The following PPP2R2C variants were observed in gnomAD, a reference collection of about 807,000 sequenced individuals.
The protein encoded by PPP2R2C is protein phosphatase 2 regulatory subunit Bgamma.
PPP2R2C carries 10 observed loss-of-function variants against 45.3 expected under a neutral mutation model. The observed-to-expected ratio is 0.22, with a 90% CI of 0.14 to 0.37. The LOEUF (loss-of-function observed/expected upper bound fraction) is 0.37, where lower values mean the gene tolerates loss of function less well. PPP2R2C is among the 10% of genes least tolerant of loss of function. The pLI is 1.00. For missense variants in PPP2R2C, 308 were observed against 619.7 expected (o/e 0.50, Z 5.34); for synonymous variants, 257 against 245.4 (o/e 1.05, Z -0.44).
intron 1 of PPP2R2C, among the ~76,000 whole-genome samples, chr4:6,411,456 T>A (rs73798239): frequency 0.038 from 5,846 of 152,228 alleles, 378 homozygotes; most frequent in African/African-American, 0.13. Flanking sequence ...AAGCCCCTGC[T>A]CCGTGCTAAT....
intron 5 of PPP2R2C, among the ~76,000 whole-genome samples, chr4:6,360,969 T>A (rs1267571205): frequency 6.6e-6 from 1 of 152,202 alleles, no homozygotes; most frequent in Non-Finnish European, 1.5e-5. Flanking sequence ...CCTCTTCTTA[T>A]AAGAACACCA....
intron 1 of PPP2R2C, among the ~76,000 whole-genome samples, chr4:6,456,304 ATTT>A (rs1246389754): frequency 2.8e-5 from 1 of 35,602 alleles, no homozygotes; most frequent in African/African-American, 1.0e-4. Flanking sequence ...GAAGGATGTT[ATTT>A]CCCCCCCCCC....
chr4:6,388,862 G>A (rs967574799), intron 1 of PPP2R2C, among the ~76,000 whole-genome samples: 4 of 152,108 alleles, frequency 2.6e-5, no homozygotes, highest in East Asian at 1.9e-4. Context: ...TTTAAGCCAC[G>A]CAGTTTGTAG....
In PPP2R2C at chr4:6,399,278, G is replaced by T. The variant is rs117964813; in HGVS notation, c.71-18184C>A. Among the ~76,000 whole-genome samples, 23 of 152,310 alleles carry T rather than the reference G, an allele frequency of 1.5e-4. No individual in the cohort carries two copies. The East Asian group carries it at 4.4e-3, about 29-fold the overall frequency. On this transcript the variant is annotated intron_variant, in intron 1 of 8. Coordinates refer to ENST00000382599, the MANE Select transcript of PPP2R2C (RefSeq NM_020416.4). ...GTAAAGCTTTGAAAAGTCTTCGTTT[G>T]CAGTAAAAGGGAAAGAAAGAAAAGA...
chr4:6,323,317 GTTTACC>G lies in PPP2R2C; in HGVS notation c.1323_1328del (p.Lys441_Val442del), dbSNP rs749579027. ...CTGCACATACCTAGTGCATGTCAGA[GTTTACC>G]TTGTCCTGGAAGATGTACAGGTTGT... is the stretch of plus-strand genomic sequence containing the variant. On this transcript the variant is annotated inframe_deletion, in exon 9 of 9. Transcript: ENST00000382599. 6.2e-7 allele frequency: 1 copy of G among 1,604,092 alleles called. No individual in the cohort carries two copies. Among genetic ancestry groups the G allele is most frequent in the South Asian group, 1.1e-5 (1 of 90,650 alleles).
chr4:6,405,440 G>GGGAT (rs1483255378), intron 1 of PPP2R2C, among the ~76,000 whole-genome samples: 1 of 152,208 alleles, frequency 6.6e-6, no homozygotes, highest in African/African-American at 2.4e-5. Context: ...GGGGGAAGAA[G>GGGAT]GGATGAACAG....
chr4:6,420,961 A>G (rs1008862821), intron 1 of PPP2R2C: 39 of 985,098 alleles, frequency 4.0e-5, no homozygotes, highest in Non-Finnish European at 4.5e-5. Context: ...AGGCCTCAGA[A>G]GGGCAGCAGC....
chr4:6,506,945 A>G (rs1223860713), intron 2 of PPP2R2C, among the ~76,000 whole-genome samples: 1 of 152,214 alleles, frequency 6.6e-6, no homozygotes, highest in African/African-American at 2.4e-5. Flanking sequence ...GAGCATCTTA[A>G]GAGCAAACTC....
At chr4:6,533,200 T>C (rs929732236) in intron 2 of PPP2R2C, among the ~76,000 whole-genome samples, 1 of 152,120 alleles carries the variant, frequency 6.6e-6, no homozygotes, top group Non-Finnish European at 1.5e-5. Context: ...TAAGAACACA[T>C]GCCCGAGACC....
intron 1 of PPP2R2C, among the ~76,000 whole-genome samples, chr4:6,392,703 G>A (rs546855016): frequency 6.6e-6 from 1 of 152,322 alleles, no homozygotes; most frequent in African/African-American, 2.4e-5. Flanking sequence ...AGCAGGCCGG[G>A]AGAGGCCTGA....
rs1732422428 is a variant in PPP2R2C at position 6,331,690 on chromosome 4, G to C, written c.960+1872C>G. On this transcript the variant is annotated intron_variant, in intron 7 of 8. Coordinates refer to ENST00000382599, the MANE Select transcript of PPP2R2C (RefSeq NM_020416.4). The surrounding 1 kb of genome is among the most constrained non-coding windows in gnomAD (Gnocchi z 5.9). ...TGCTTGGAGGTGTGGCAGCCACTTTGCCACCATGAGGTACCACATGTGAAG... is the reference window on the plus strand; with the variant it reads ...TGCTTGGAGGTGTGGCAGCCACTTTCCCACCATGAGGTACCACATGTGAAG... Among the ~76,000 whole-genome samples the C allele has an allele frequency of 6.6e-6, 1 of 152,082 alleles. No individual in the cohort carries two copies. Among genetic ancestry groups the C allele is most frequent in the Admixed American group, 6.5e-5 (1 of 15,284 alleles).
At chr4:6,472,640 C>CCGA (rs1211748649), upstream of PPP2R2C, among the ~76,000 whole-genome samples, 3 of 147,604 alleles carry the variant, frequency 2.0e-5, no homozygotes, top group Non-Finnish European at 4.5e-5. Context: ...GCCGCCGCCG[C>CCGA]CGCTGTCGCA....
chr4:6,435,103 T>C (rs1304695935), intron 1 of PPP2R2C, among the ~76,000 whole-genome samples: 2 of 152,204 alleles, frequency 1.3e-5, no homozygotes, highest in Non-Finnish European at 2.9e-5. Context: ...TTAATTATTT[T>C]CATTCTTATC....
chr4:6,538,923 G>C (rs113085732), intron 1 of PPP2R2C, among the ~76,000 whole-genome samples: 6 of 152,146 alleles, frequency 3.9e-5, no homozygotes, highest in African/African-American at 7.2e-5. Flanking sequence ...TATCGAGCCC[G>C]TTACACAGTG....
intron 1 of PPP2R2C, among the ~76,000 whole-genome samples, chr4:6,541,216 C>T (rs988286396): frequency 2.5e-4 from 38 of 152,158 alleles, no homozygotes; most frequent in African/African-American, 8.4e-4. Flanking sequence ...ATATGAATTT[C>T]AGCTGGACAC....
At chr4:6,347,736 A>T in intron 6 of PPP2R2C, 110 bp downstream of exon 6, 1 of 1,387,116 alleles carries the variant, frequency 7.2e-7, no homozygotes, top group Non-Finnish European at 9.7e-7. Flanking sequence ...CCAGTCCAGG[A>T]CATGCTCATC....
chr4:6,540,718 G>A (rs1724780681), intron 1 of PPP2R2C, among the ~76,000 whole-genome samples: 1 of 152,204 alleles, frequency 6.6e-6, no homozygotes, highest in South Asian at 2.1e-4. Flanking sequence ...CACACATGTG[G>A]TTTCTGCATG....
chr4:6,351,236 T>G (rs1481261152), intron 5 of PPP2R2C: 1 of 497,828 alleles, frequency 2.0e-6, no homozygotes, highest in Non-Finnish European at 2.6e-6. Flanking sequence ...ATCGCTTGAC[T>G]GGGGAGGCAG....
chr4:6,456,564 G>A (rs891577192), intron 1 of PPP2R2C, among the ~76,000 whole-genome samples: 1 of 152,128 alleles, frequency 6.6e-6, no homozygotes, highest in African/African-American at 2.4e-5. Flanking sequence ...AGTCGGCGTA[G>A]GAACCACATC....
Sources: allele counts gnomAD v4.1 joint callset (sites outside exome capture counted in the v4.1 genomes callset), GRCh38; gene constraint gnomAD v4.1.1; non-coding constraint Gnocchi (gnomAD v3.1); transcripts MANE v1.5; gene names NCBI Gene and HGNC (gene_info 2026-07-23, HGNC 2026-07-21).